PRKCB: variants seen among roughly 807,000 people sequenced by gnomAD.
PRKCB encodes the protein protein kinase C beta type.
PRKCB carries 13 observed loss-of-function variants against 81.5 expected under a neutral mutation model. That is an observed-to-expected ratio of 0.16 (90% CI 0.10 to 0.25). The LOEUF (loss-of-function observed/expected upper bound fraction) is 0.25, where lower values mean the gene tolerates loss of function less well. Ranked by LOEUF, PRKCB falls within the 10% of genes least tolerant of loss-of-function variation. The pLI is 1.00. For synonymous variants in PRKCB, 335 were observed against 321.4 expected (o/e 1.04, Z -0.45); for missense variants, 509 against 875.7 (o/e 0.58, Z 5.29).
At chr16:23,930,588 T>C (rs1243043635) in intron 2 of PRKCB, among the ~76,000 whole-genome samples, 3 of 151,946 alleles carry the variant, frequency 2.0e-5, no homozygotes. Flanking sequence ...ATGAAGTTGC[T>C]CTTTTGAAGA....
At chr16:24,142,796 C>A (rs533695530) in intron 9 of PRKCB, among the ~76,000 whole-genome samples, 1 of 152,228 alleles carries the variant, frequency 6.6e-6, no homozygotes, top group South Asian at 2.1e-4. Flanking sequence ...AGAATCCATG[C>A]AGGAGATAGC....
chr16:24,158,753 G>A (rs1365328385), intron 10 of PRKCB, among the ~76,000 whole-genome samples: 1 of 151,898 alleles, frequency 6.6e-6, no homozygotes, highest in African/African-American at 2.4e-5. Context: ...TGGGCTCCTG[G>A]GCTCAATAGA....
chr16:24,176,984 G>C (rs572072426), intron 12 of PRKCB, among the ~76,000 whole-genome samples: 1 of 152,012 alleles, frequency 6.6e-6, no homozygotes, highest in South Asian at 2.1e-4. Context: ...TAACCAAAGA[G>C]ACAGGCATCA....
intron 5 of PRKCB, among the ~76,000 whole-genome samples, chr16:24,074,517 C>A (rs1299818077): frequency 6.6e-6 from 1 of 152,192 alleles, no homozygotes; most frequent in East Asian, 1.9e-4. Context: ...ATAGTAAGAG[C>A]TCATTCACCG....
chr16:23,981,657 C>CT (rs1342713382), intron 2 of PRKCB, among the ~76,000 whole-genome samples: 92 of 123,270 alleles, frequency 7.5e-4, no homozygotes, highest in African/African-American at 2.7e-3. Flanking sequence ...CCTTCCCTTC[C>CT]TTTTTTCCCT....
intron 8 of PRKCB, among the ~76,000 whole-genome samples, chr16:24,115,540 A>T (rs1966727875): frequency 6.6e-6 from 1 of 151,878 alleles, no homozygotes; most frequent in Non-Finnish European, 1.5e-5. Context: ...ATCCAAGAGC[A>T]TTTATCCCAA....
chr16:24,139,532 C>T (rs1966880411), intron 9 of PRKCB, among the ~76,000 whole-genome samples: 1 of 152,176 alleles, frequency 6.6e-6, no homozygotes, highest in African/African-American at 2.4e-5. Context: ...AATAGCAAGT[C>T]CACAGAAACC....
intron 2 of PRKCB, among the ~76,000 whole-genome samples, chr16:23,933,751 A>T (rs1458659383): frequency 7.3e-6 from 1 of 136,984 alleles, no homozygotes; most frequent in African/African-American, 2.8e-5. Flanking sequence ...TCGTCCATCC[A>T]TCTATCCATC....
rs551359254 is a variant in PRKCB, at chr16:24,209,977, G to A, written c.1864-4681G>A. Among the ~76,000 whole-genome samples the A allele has an allele frequency of 2.7e-4, 41 of 151,938 alleles. 1 individual carries two copies. The highest frequency in any genetic ancestry group is 4.7e-4 in the Non-Finnish European group (32 of 67,972). ...ACAAAAAAAAAAAAATTAGTCCTGC[G>A]TGGTGGTGCACACCTGTAGTCCTAG... is the stretch of plus-strand genomic sequence containing the variant. On this transcript the variant is annotated intron_variant, in intron 16 of 16. Coordinates refer to ENST00000643927, the MANE Select transcript of PRKCB (RefSeq NM_002738.7).
At chr16:24,006,296 T>C (rs1237902488) in intron 3 of PRKCB, among the ~76,000 whole-genome samples, 3 of 152,208 alleles carry the variant, frequency 2.0e-5, no homozygotes, top group African/African-American at 4.8e-5. Flanking sequence ...TCATCAAATG[T>C]CCAAAGAGCT....
chr16:24,219,140 C>T lies in PRKCB; in HGVS notation c.*4324C>T. ...TTCTGATGTTCCCTGGTGAGACTTG[C>T]CCCAAGCAATTGCTAGTAAATGGGG... is the stretch of plus-strand genomic sequence containing the variant. On this transcript the variant is annotated 3_prime_UTR_variant, in exon 17 of 17. Coordinates refer to ENST00000643927, the MANE Select transcript of PRKCB (RefSeq NM_002738.7). The T allele has an allele frequency of 2.0e-6, 2 of 985,406 alleles. No individual in the cohort carries two copies. The highest frequency in any genetic ancestry group is 2.4e-6 in the Non-Finnish European group (2 of 829,964). The allele number at this position is 985,406 out of a possible 1,614,324, so 61.0% of individuals were successfully genotyped here.
chr16:23,875,654 TCACACATATATATGTATGTATATCA>T (rs1962996192), intron 2 of PRKCB, among the ~76,000 whole-genome samples: 8 of 94,566 alleles, frequency 8.5e-5, no homozygotes, highest in African/African-American at 3.1e-4. Flanking sequence ...TGTATGTATA[TCACACATATATATGTATGTATATCA>T]CACACATATA....
chr16:24,106,284 A>G (rs1052433018), intron 7 of PRKCB, among the ~76,000 whole-genome samples: 1 of 152,206 alleles, frequency 6.6e-6, no homozygotes, highest in Non-Finnish European at 1.5e-5. Context: ...TGCAGTATCA[A>G]ATTAGTTAAT....
At chr16:23,865,847 A>T (rs1597216029) in intron 2 of PRKCB, among the ~76,000 whole-genome samples, 1 of 151,934 alleles carries the variant, frequency 6.6e-6, no homozygotes, top group East Asian at 2.0e-4. Flanking sequence ...GCTTAAGCCC[A>T]GAAGAGGGAG....
chr16:23,863,255 T>TACAA (rs1962713773), intron 2 of PRKCB, among the ~76,000 whole-genome samples: 1 of 132,826 alleles, frequency 7.5e-6, no homozygotes, highest in Non-Finnish European at 1.6e-5. Context: ...TATATACACA[T>TACAA]ACACACACAC....
chr16:23,950,567 A>G (rs1041881912), intron 2 of PRKCB, among the ~76,000 whole-genome samples: 6 of 152,164 alleles, frequency 3.9e-5, no homozygotes, highest in Non-Finnish European at 4.4e-5. Flanking sequence ...TTCCTTTTAA[A>G]ATAGGCTGAG....
In PRKCB at chr16:24,000,751, C is replaced by T. The variant is rs575585470; in HGVS notation, c.288+12161C>T. On this transcript the variant is annotated intron_variant, in intron 3 of 16. Transcript: ENST00000643927. ...CTGACAATTCTCTACATTCTTCCAC[C>T]CAGAGCATGCCCTTATGAGGTGATT... Among the ~76,000 whole-genome samples, 17 of 152,240 alleles carry T rather than the reference C, an allele frequency of 1.1e-4. No individual in the cohort carries two copies. The East Asian group carries it at 1.3e-3, about 12-fold the overall frequency.
chr16:24,070,492 G>A (rs1008084784), intron 5 of PRKCB, among the ~76,000 whole-genome samples: 1 of 152,128 alleles, frequency 6.6e-6, no homozygotes, highest in African/African-American at 2.4e-5. Context: ...CATTTATTAA[G>A]TATATATGAA....
chr16:23,880,102 G>T (rs766468095), intron 2 of PRKCB, among the ~76,000 whole-genome samples: 24 of 152,272 alleles, frequency 1.6e-4, no homozygotes, highest in South Asian at 1.4e-3. Flanking sequence ...TACTCTGGGG[G>T]AATCGAATCC....
Sources: gnomAD v4.1 joint callset for allele counts (sites outside exome capture counted in the v4.1 genomes callset) on GRCh38, gnomAD v4.1.1 for gene constraint, MANE v1.5 for transcripts, NCBI Gene and HGNC (gene_info 2026-07-23, HGNC 2026-07-21) for gene names.